RYK: variants seen among roughly 807,000 people sequenced by gnomAD.
The protein encoded by RYK is receptor like tyrosine kinase.
In RYK, 21 loss-of-function variants were observed where a neutral mutation model predicts 70.2. That is an observed-to-expected ratio of 0.30 (90% confidence interval 0.21 to 0.43). The LOEUF (loss-of-function observed/expected upper bound fraction) is 0.43. Among genes scored for constraint, RYK ranks in the 20% least tolerant of loss-of-function variants. The pLI, the probability that RYK is intolerant of heterozygous loss-of-function variation, is 1.00. For synonymous variants in RYK, 267 were observed against 278.0 expected, an observed-to-expected ratio of 0.96 and a Z score of 0.39; for missense variants, 604 against 753.3, an observed-to-expected ratio of 0.80 and a Z score of 2.32.
intron 2 of RYK, among the ~76,000 whole-genome samples, chr3:134,221,377 G>A (rs797010800): frequency 3.3e-5 from 5 of 151,300 alleles, no homozygotes; most frequent in East Asian, 3.9e-4. Flanking sequence ...GCTAATTTTC[G>A]TATTTTTAGT....
chr3:134,188,167 A>ATT lies in RYK; in HGVS notation c.1102+668_1102+669dup, dbSNP rs57894961. On this transcript the variant is annotated intron_variant, in intron 9 of 14. Transcript: ENST00000623711. ...AATCTAACAATATATATATATATAT[A>ATT]TTTTTTTTTTTTTTTGAGACAGAGT... 9.8e-4 allele frequency among the ~76,000 whole-genome samples: 127 copies of ATT among 130,210 alleles called. 2 individuals carry two copies. In the East Asian group the frequency reaches 0.018, roughly 19 times the overall value. 85.4% of individuals were successfully genotyped at this position (130,210 alleles called of 152,430 possible). A position where few individuals can be genotyped will look rare whatever the true frequency, so the allele number is the denominator to read the frequency against.
At chr3:134,235,998 T>A (rs2015190640) in intron 1 of RYK, among the ~76,000 whole-genome samples, 1 of 150,720 alleles carries the variant, frequency 6.6e-6, no homozygotes, top group Non-Finnish European at 1.5e-5. Context: ...TTCCAATGAG[T>A]GCCTTATTTG....
chr3:134,173,196 G>A (rs2012980490), intron 13 of RYK, among the ~76,000 whole-genome samples: 2 of 151,756 alleles, frequency 1.3e-5, no homozygotes, highest in African/African-American at 4.8e-5. Context: ...CAGGAGAATC[G>A]CATGAACCCA....
intron 1 of RYK, among the ~76,000 whole-genome samples, chr3:134,224,460 C>T (rs779044814): frequency 6.6e-5 from 10 of 152,220 alleles, no homozygotes; most frequent in Non-Finnish European, 1.0e-4. Flanking sequence ...CAGGATGGAA[C>T]ATGAAAGTGG....
chr3:134,216,792 C>CAAAAAAAAAAA lies in RYK; in HGVS notation c.355-5196_355-5186dup, dbSNP rs61441674. ...TGGGCGACAGAGTGAGACTCTGTCT[C>CAAAAAAAAAAA]AAAAAAAAAAAAAAAAAAAAAAAAA... On this transcript the variant is annotated intron_variant, in intron 2 of 14. Transcript: ENST00000623711. Among the ~76,000 whole-genome samples the CAAAAAAAAAAA allele has an allele frequency of 1.5e-3, 55 of 37,424 alleles. 11 individuals carry two copies. Among genetic ancestry groups the CAAAAAAAAAAA allele is most frequent in the East Asian group, 3.6e-3 (2 of 558 alleles). The allele number at this position is 37,424 out of a possible 152,430, so 24.6% of individuals were successfully genotyped here. A position where few individuals can be genotyped will look rare whatever the true frequency, so the allele number is the denominator to read the frequency against.
Position 134,191,813 on chromosome 3 carries a change from T to C in RYK, c.1015+36A>G. ...AAGTGTCTATAGTGGTAACATTAAA[T>C]CATACTTAAAAAACCGACTTTGAGA... On this transcript the variant is annotated intron_variant, in intron 8 of 14. Transcript: ENST00000623711. The C allele has an allele frequency of 2.6e-6, 4 of 1,561,218 alleles. No homozygotes were observed. In the South Asian group the frequency reaches 3.6e-5, roughly 14 times the overall value.
intron 5 of RYK, among the ~76,000 whole-genome samples, chr3:134,204,421 C>T (rs375512787): frequency 2.0e-5 from 3 of 152,030 alleles, no homozygotes; most frequent in East Asian, 1.9e-4. Context: ...ATCACTTGAA[C>T]CCGGGAGGCA....
At chr3:134,196,566 C>T (rs1296838343) in intron 6 of RYK, among the ~76,000 whole-genome samples, 1 of 143,356 alleles carries the variant, frequency 7.0e-6, no homozygotes, top group Non-Finnish European at 1.5e-5. Context: ...ATAGTGAGAC[C>T]CTGTCTCTGA....
chr3:134,183,820 C>A (rs2013378704), intron 9 of RYK, among the ~76,000 whole-genome samples: 1 of 152,182 alleles, frequency 6.6e-6, no homozygotes, highest in Non-Finnish European at 1.5e-5. Context: ...TAAATTGACA[C>A]AATGGGATAC....
chr3:134,164,749 T>C (rs1225192870), intron 13 of RYK, among the ~76,000 whole-genome samples: 4 of 152,282 alleles, frequency 2.6e-5, no homozygotes, highest in Non-Finnish European at 5.9e-5. Flanking sequence ...TTCATTTATC[T>C]AAGAGCAAAA....
intron 5 of RYK, among the ~76,000 whole-genome samples, chr3:134,205,306 A>G (rs28514329): frequency 0.3 from 46,047 of 152,048 alleles, 8,518 homozygotes; most frequent in Middle Eastern, 0.46. Flanking sequence ...TCAAAAACAC[A>G]TGGAAATAAG....
chr3:134,183,120 G>A (rs1560006720), intron 9 of RYK, 49 bp from the exon 10 acceptor site: 4 of 1,091,422 alleles, frequency 3.7e-6, no homozygotes, highest in Non-Finnish European at 5.3e-6. Flanking sequence ...CTACATATAT[G>A]GCATTAACAT....
chr3:134,248,391 C>G (rs990690110), intron 1 of RYK, among the ~76,000 whole-genome samples: 2 of 152,152 alleles, frequency 1.3e-5, no homozygotes, highest in Non-Finnish European at 2.9e-5. Flanking sequence ...AATAAGGTAA[C>G]AAATATATAA....
chr3:134,189,292 G>A (rs1038910063), intron 8 of RYK, among the ~76,000 whole-genome samples: 6 of 152,170 alleles, frequency 3.9e-5, no homozygotes, highest in African/African-American at 1.4e-4. Flanking sequence ...AGACAAAAAT[G>A]AACTTTCCTC....
At chr3:134,176,875 C>T (rs2013121096) in intron 11 of RYK, among the ~76,000 whole-genome samples, 1 of 151,752 alleles carries the variant, frequency 6.6e-6, no homozygotes, top group African/African-American at 2.4e-5. Context: ...ACGGTGAAAC[C>T]CCGTCTACTA....
rs868600096 is a variant in RYK at position 134,185,143 on chromosome 3, T to A, written c.1103-2072A>T. Among the ~76,000 whole-genome samples the A allele has an allele frequency of 9.4e-5, 10 of 106,884 alleles. No homozygotes were observed. In the South Asian group the frequency reaches 1.5e-3, roughly 16 times the overall value. 70.1% of individuals were successfully genotyped at this position (106,884 alleles called of 152,430 possible). A position where few individuals can be genotyped will look rare whatever the true frequency, so the allele number is the denominator to read the frequency against. On this transcript the variant is annotated intron_variant, in intron 9 of 14. Coordinates refer to ENST00000623711, the MANE Select transcript of RYK (RefSeq NM_002958.4). ...AGTGAGACCCCATCTATAAATTAAT[T>A]AATTAATTAAATAATAATTTATAAA...
chr3:134,227,711 C>G (rs985081928), intron 1 of RYK, among the ~76,000 whole-genome samples: 1 of 151,684 alleles, frequency 6.6e-6, no homozygotes, highest in Non-Finnish European at 1.5e-5. Context: ...GCTCTGTCGC[C>G]GAGGCTGGAG....
chr3:134,191,077 G>C (rs2013626908), intron 8 of RYK, among the ~76,000 whole-genome samples: 1 of 152,172 alleles, frequency 6.6e-6, no homozygotes, highest in African/African-American at 2.4e-5. Flanking sequence ...TACATAAGGA[G>C]GACTCATAAG....
chr3:134,185,052 T>C (rs2013418930), intron 9 of RYK, among the ~76,000 whole-genome samples: 1 of 148,808 alleles, frequency 6.7e-6, no homozygotes, highest in Non-Finnish European at 1.5e-5. Flanking sequence ...GGGGATTGCT[T>C]GAGCCCAGGA....
Sources: allele counts gnomAD v4.1 joint callset (sites outside exome capture counted in the v4.1 genomes callset), GRCh38; gene constraint gnomAD v4.1.1; transcripts MANE v1.5; gene names NCBI Gene and HGNC (gene_info 2026-07-23, HGNC 2026-07-21).